Variants in RNF126 observed in about 807,000 individuals in gnomAD.
RNF126 encodes E3 ubiquitin-protein ligase RNF126.
Under a neutral mutation model 41.9 loss-of-function variants are expected in RNF126, and 20 were observed. That is an observed-to-expected ratio of 0.48 (90% confidence interval 0.34 to 0.69). The LOEUF (loss-of-function observed/expected upper bound fraction) is 0.69. RNF126 is among the 30% of genes least tolerant of loss of function. The probability of loss-of-function intolerance (pLI) is 0.01; values close to 1 mark genes in which losing one functional copy is unlikely to be tolerated. For missense variants in RNF126, 433 were observed against 460.6 expected (o/e 0.94, Z 0.55); for synonymous variants, 239 against 202.9 (o/e 1.18, Z -1.51).
At chr19:655,572 G>A (rs1245978731) in intron 1 of RNF126, among the ~76,000 whole-genome samples, 2 of 152,114 alleles carry the variant, frequency 1.3e-5, no homozygotes, top group Non-Finnish European at 2.9e-5. Flanking sequence ...GCCAGCCCCA[G>A]CGAGATGCCA....
intron 2 of RNF126, 73 bp downstream of exon 2, chr19:652,753 G>T: frequency 7.0e-7 from 1 of 1,425,712 alleles, no homozygotes; most frequent in Non-Finnish European, 9.8e-7. Context: ...GCGGACGCCA[G>T]CACAGCCCAC....
intron 1 of RNF126, among the ~76,000 whole-genome samples, chr19:658,582 G>C (rs555396566): frequency 6.6e-6 from 1 of 152,144 alleles, no homozygotes; most frequent in Non-Finnish European, 1.5e-5. Context: ...GCACGGGCAC[G>C]TGCGGCGCCT....
At chr19:649,262 G>T (rs983894518) in intron 6 of RNF126, 3 of 318,198 alleles carry the variant, frequency 9.4e-6, no homozygotes, top group Non-Finnish European at 1.7e-5. Context: ...ACGGCGGAAT[G>T]GGGGGGCCGT....
At position 649,708 on chromosome 19, in the gene RNF126, C is replaced by A. The variant is rs866241374; in HGVS notation, c.547G>T (p.Ala183Ser). Reference sequence around the variant, plus strand: ...GTGATGATGGCATCCAGGCCGTTGGCCCCCCAGGCGTAGTCCATAGGGTTT... The same window carrying A: ...GTGATGATGGCATCCAGGCCGTTGGACCCCCAGGCGTAGTCCATAGGGTTT... ...HSNPMDYAWG[A>S]NGLDAIITQL... Residue 183 changes from alanine (A) to serine (S), a missense_variant, in exon 6 of 9, where the codon GCC (alanine) becomes TCC (serine). Around this residue, in one of 5 missense-constraint regions of RNF126, gnomAD observed 97 missense variants for 121.7 expected, o/e 0.80. Coordinates refer to ENST00000292363, the MANE Select transcript of RNF126 (RefSeq NM_194460.3). 2.5e-6 allele frequency: 4 copies of A among 1,569,682 alleles called. No homozygotes were observed. In the East Asian group the frequency reaches 9.5e-5, roughly 37 times the overall value.
intron 8 of RNF126, 22 bp downstream of exon 8, chr19:648,350 G>A (rs865899191): frequency 1.1e-5 from 6 of 571,360 alleles, no homozygotes; most frequent in Non-Finnish European, 1.8e-5. Context: ...GGGGTGGGGG[G>A]GCGGGTGGGC....
intron 8 of RNF126, 38 bp downstream of exon 8, chr19:648,334 G>A (rs754168349): frequency 1.0e-4 from 154 of 1,522,294 alleles, no homozygotes; most frequent in African/African-American, 5.0e-4. Context: ...CGGGAGGGCC[G>A]CGGTCGGGGT....
chr19:647,933 G>C lies in RNF126; in HGVS notation c.*195C>G, dbSNP rs1427548427. On this transcript the variant is annotated 3_prime_UTR_variant, in exon 9 of 9. Transcript: ENST00000292363. ...GGGGAGGCTGGGGACGCCCCAGAGG[G>C]GACCATGTGGCCCACGCCTTCCCAA... 1 of 658,024 alleles carries C rather than the reference G, an allele frequency of 1.5e-6. No individual in the cohort carries two copies. The highest frequency in any genetic ancestry group is 2.9e-5 in the Admixed American group (1 of 34,992). 40.8% of individuals were successfully genotyped at this position (658,024 alleles called of 1,614,324 possible). A position where few individuals can be genotyped will look rare whatever the true frequency, so the allele number is the denominator to read the frequency against.
At position 648,943 on chromosome 19, in the gene RNF126, T is replaced by A; in HGVS notation, c.609A>T (p.Pro203=). 1 of 1,425,544 alleles carries A rather than the reference T, an allele frequency of 7.0e-7. No individual in the cohort carries two copies. The allele number at this position is 1,425,544 out of a possible 1,614,324, so 88.3% of individuals were successfully genotyped here. The change falls in exon 7 of 9, where the codon CCA becomes CCT. Residue 203 remains proline, a synonymous_variant. Transcript: ENST00000292363. ...CCTGGATTTTCTCTTTATCTGCCGG[T>A]GGGGGGCCTGTGTTTTCAAACTGAT... ...LLNQFENTGP[P]PADKEKIQAL... is the part of the protein sequence containing the mutation.
chr19:662,463 G>A (rs926708000), intron 1 of RNF126, among the ~76,000 whole-genome samples: 5 of 152,146 alleles, frequency 3.3e-5, no homozygotes, highest in African/African-American at 9.7e-5. Flanking sequence ...GGCCGCGGTC[G>A]GACCCCGGGA....
Position 650,154 on chromosome 19 carries a change from C to A in RNF126, c.506+80G>T, listed in dbSNP as rs1196600023. On this transcript the variant is annotated intron_variant, in intron 5 of 8. Coordinates refer to ENST00000292363, the MANE Select transcript of RNF126 (RefSeq NM_194460.3). ...CCCTCCTACTCACCAGGGACCCTGG[C>A]TGGGGATGGGGACAGGCACCCCCAC... is the stretch of plus-strand genomic sequence containing the variant. 2.5e-6 allele frequency: 3 copies of A among 1,209,698 alleles called. No homozygotes were observed. The African/African-American group carries it at 5.0e-5, about 20-fold the overall frequency. The allele number at this position is 1,209,698 out of a possible 1,614,324, so 74.9% of individuals were successfully genotyped here. A position where few individuals can be genotyped will look rare whatever the true frequency, so the allele number is the denominator to read the frequency against.
In RNF126 at chr19:659,190, C is replaced by T. The variant is rs890833953; in HGVS notation, c.75+3857G>A. Among the ~76,000 whole-genome samples, 6 of 152,236 alleles carry T rather than the reference C, an allele frequency of 3.9e-5. No homozygotes were observed. Among genetic ancestry groups the T allele is most frequent in the Admixed American group, 6.5e-5 (1 of 15,286 alleles). On this transcript the variant is annotated intron_variant, in intron 1 of 8. Coordinates refer to ENST00000292363, the MANE Select transcript of RNF126 (RefSeq NM_194460.3). The surrounding 1 kb of genome is among the most constrained non-coding windows in gnomAD (Gnocchi z 4.9). ...AACCGCAGACACACAGAGCAAGCAG[C>T]GGCCAGAGACAGACCCAGGCCGTCT...
At chr19:650,329 C>G in intron 4 of RNF126, 33 bp from the exon 5 acceptor site, 1 of 1,557,008 alleles carries the variant, frequency 6.4e-7, no homozygotes, top group Non-Finnish European at 8.7e-7. Flanking sequence ...CGGGGTGAGG[C>G]CGCCCCACGC....
chr19:660,297 C>T (rs1443280511), intron 1 of RNF126, among the ~76,000 whole-genome samples: 1 of 152,252 alleles, frequency 6.6e-6, no homozygotes, highest in East Asian at 1.9e-4. Flanking sequence ...CAGAGAATGA[C>T]CCAGCTGCGC....
intron 2 of RNF126, chr19:652,618 T>TGCCGGCACTCCCCTCTGGC: frequency 1.6e-6 from 1 of 612,794 alleles, no homozygotes; most frequent in East Asian, 2.8e-5. Context: ...CTGCACAGGT[T>TGCCGGCACTCCCCTCTGGC]GCCGGCACTC....
Position 659,648 on chromosome 19 carries a change from TCTGCG to T in RNF126, c.75+3394_75+3398del. ...CCTCCTCAGCAGGCTCGAGTCTGGG[TCTGCG>T]CAGCCGCCTGTGGCCTGAGCTCCAG... is the stretch of plus-strand genomic sequence containing the variant. On this transcript the variant is annotated intron_variant, in intron 1 of 8. Transcript: ENST00000292363. This position sits in a 1 kb window ranked among gnomAD's most constrained non-coding sequence, Gnocchi z 4.9. Among the ~76,000 whole-genome samples, 1 of 152,266 alleles carries T rather than the reference TCTGCG, an allele frequency of 6.6e-6. No individual in the cohort carries two copies. The highest frequency in any genetic ancestry group is 2.4e-5 in the African/African-American group (1 of 41,550).
chr19:652,533 G>A (rs2030362111), intron 2 of RNF126: 1 of 603,198 alleles, frequency 1.7e-6, no homozygotes, highest in Admixed American at 3.0e-5. Flanking sequence ...GAGAATGTGG[G>A]TAGGGCCCCC....
At chr19:652,655 A>G in intron 2 of RNF126, 171 bp downstream of exon 2, 2 of 651,034 alleles carry the variant, frequency 3.1e-6, no homozygotes, top group East Asian at 2.7e-5. Context: ...CGGCCATCAC[A>G]GAAGAGAACG....
rs1386264027 is a variant in RNF126 at position 653,002 on chromosome 19, A to G, written c.76-118T>C. Reference sequence around the variant, plus strand: ...GGTCTCTGGCTGGCCAGGCACACGCAGGCCAGGGTGGCTCCCAACCCGTGG... The same window carrying G: ...GGTCTCTGGCTGGCCAGGCACACGCGGGCCAGGGTGGCTCCCAACCCGTGG... On this transcript the variant is annotated intron_variant, in intron 1 of 8. Coordinates refer to ENST00000292363, the MANE Select transcript of RNF126 (RefSeq NM_194460.3). 14 of 960,630 alleles carry G rather than the reference A, an allele frequency of 1.5e-5. No homozygotes were observed. In the Admixed American group the frequency reaches 3.0e-4, roughly 20 times the overall value. 59.5% of individuals were successfully genotyped at this position (960,630 alleles called of 1,614,324 possible).
intron 1 of RNF126, among the ~76,000 whole-genome samples, chr19:656,951 G>A (rs979459942): frequency 2.6e-5 from 4 of 152,158 alleles, no homozygotes; most frequent in Non-Finnish European, 4.4e-5. Flanking sequence ...CCGCTCCATC[G>A]CCTGGGTGGG....
Sources: gnomAD v4.1 joint callset for allele counts (sites outside exome capture counted in the v4.1 genomes callset) on GRCh38, gnomAD v4.1.1 for gene constraint, gnomAD v4.1.1 regional missense constraint, Gnocchi (gnomAD v3.1) non-coding constraint, MANE v1.5 for transcripts, NCBI Gene and HGNC (gene_info 2026-07-23, HGNC 2026-07-21) for gene names.